OPCML: variants seen among roughly 807,000 people sequenced by gnomAD.
OPCML encodes opioid binding protein/cell adhesion molecule like.
In OPCML, 13 loss-of-function variants were observed where a neutral mutation model predicts 37.8. That is an observed-to-expected ratio of 0.34 (90% CI 0.22 to 0.55). The LOEUF (loss-of-function observed/expected upper bound fraction) is 0.55, where lower values mean the gene tolerates loss of function less well. OPCML is among the 20% of genes least tolerant of loss of function. OPCML has a pLI of 0.91. For missense variants in OPCML, 341 were observed against 435.6 expected (o/e 0.78, Z 1.93); for synonymous variants, 176 against 168.8 (o/e 1.04, Z -0.33).
intron 1 of OPCML, among the ~76,000 whole-genome samples, chr11:133,437,891 T>G (rs1946277731): frequency 6.6e-6 from 1 of 152,134 alleles, no homozygotes; most frequent in Non-Finnish European, 1.5e-5. Flanking sequence ...CTGGCAAACT[T>G]GCATTCAAGT....
chr11:132,484,615 A>G (rs1157091113), intron 4 of OPCML, among the ~76,000 whole-genome samples: 1 of 152,176 alleles, frequency 6.6e-6, no homozygotes, highest in Non-Finnish European at 1.5e-5. Flanking sequence ...AGACACATGC[A>G]CACCTATGTT....
chr11:132,716,396 A>ATCTATCTGTCTG (rs1944482143), intron 2 of OPCML, among the ~76,000 whole-genome samples: 2 of 47,126 alleles, frequency 4.2e-5, no homozygotes, highest in Non-Finnish European at 7.6e-5. Flanking sequence ...CTATTTATCT[A>ATCTATCTGTCTG]TCTATCTATC....
intron 1 of OPCML, among the ~76,000 whole-genome samples, chr11:133,354,061 C>A (rs961874967): frequency 6.6e-6 from 1 of 152,062 alleles, no homozygotes; most frequent in South Asian, 2.1e-4. Context: ...ATACTAAAGC[C>A]TAAAACCCAT....
At chr11:133,484,146 G>T (rs967079324) in intron 1 of OPCML, among the ~76,000 whole-genome samples, 1 of 125,242 alleles carries the variant, frequency 8.0e-6, no homozygotes, top group Non-Finnish European at 1.7e-5. Flanking sequence ...GATGATAGAT[G>T]GATAGATAGA....
chr11:133,125,582 C>G (rs534196617), intron 1 of OPCML, among the ~76,000 whole-genome samples: 1 of 143,908 alleles, frequency 6.9e-6, no homozygotes, highest in Admixed American at 7.1e-5. Context: ...AATATAGACA[C>G]ATGTATATAT....
chr11:133,125,834 ATATAGACACATGTATATAG>A (rs1949501262), intron 1 of OPCML, among the ~76,000 whole-genome samples: 1 of 146,868 alleles, frequency 6.8e-6, no homozygotes, highest in African/African-American at 2.5e-5. Context: ...ACACATGTAT[ATATAGACACATGTATATAG>A]TATATACACA....
intron 1 of OPCML, among the ~76,000 whole-genome samples, chr11:133,185,518 G>A (rs1436988937): frequency 2.0e-5 from 3 of 152,210 alleles, no homozygotes; most frequent in Admixed American, 6.5e-5. Context: ...TGATGGAGAT[G>A]GGGTTCGGAG....
chr11:133,080,207 T>C (rs1439114994), intron 1 of OPCML, among the ~76,000 whole-genome samples: 1 of 152,136 alleles, frequency 6.6e-6, no homozygotes, highest in Admixed American at 6.5e-5. Flanking sequence ...GGAATCAACC[T>C]GCGGGACTGT....
At chr11:132,461,479 C>T (rs1003022214) in intron 4 of OPCML, among the ~76,000 whole-genome samples, 4 of 152,264 alleles carry the variant, frequency 2.6e-5, no homozygotes, top group South Asian at 2.1e-4. Context: ...CCATACCTGA[C>T]GCTATACATC....
chr11:132,585,438 C>T (rs937846630), intron 3 of OPCML, among the ~76,000 whole-genome samples: 1 of 152,072 alleles, frequency 6.6e-6, no homozygotes, highest in African/African-American at 2.4e-5. Context: ...GATTTATCTG[C>T]TTCCTTAACA....
At chr11:133,102,591 A>G (rs929382097) in intron 1 of OPCML, among the ~76,000 whole-genome samples, 1 of 152,084 alleles carries the variant, frequency 6.6e-6, no homozygotes, top group Non-Finnish European at 1.5e-5. Context: ...ACTAAAAAAT[A>G]CAAAAAAAAT....
chr11:133,225,696 G>A (rs112815194), intron 1 of OPCML, among the ~76,000 whole-genome samples: 75 of 152,234 alleles, frequency 4.9e-4, no homozygotes, highest in Non-Finnish European at 9.1e-4. Context: ...GGACTTATCC[G>A]CACTCAGTCA....
intron 1 of OPCML, among the ~76,000 whole-genome samples, chr11:133,458,896 T>C (rs1395549106): frequency 6.6e-6 from 1 of 151,326 alleles, no homozygotes; most frequent in African/African-American, 2.4e-5. Flanking sequence ...TGTGTGTGTA[T>C]ATATATACAC....
intron 2 of OPCML, among the ~76,000 whole-genome samples, chr11:132,788,613 C>T (rs1185536363): frequency 6.6e-5 from 10 of 152,206 alleles, no homozygotes; most frequent in Admixed American, 6.5e-4. Flanking sequence ...TCATCACACT[C>T]ATCTAACATG....
intron 4 of OPCML, among the ~76,000 whole-genome samples, chr11:132,517,871 T>A (rs187457386): frequency 2.6e-4 from 40 of 152,296 alleles, no homozygotes; most frequent in Middle Eastern, 6.8e-3. Flanking sequence ...TTATTACTAA[T>A]TAGTTTCTGG....
At chr11:133,248,966 T>TCA (rs1471211782) in intron 1 of OPCML, among the ~76,000 whole-genome samples, 1 of 152,234 alleles carries the variant, frequency 6.6e-6, no homozygotes, top group Non-Finnish European at 1.5e-5. Context: ...TTAATGTGTC[T>TCA]TGCAAACATG....
intron 2 of OPCML, among the ~76,000 whole-genome samples, chr11:132,788,018 C>T (rs368731841): frequency 6.0e-4 from 91 of 152,226 alleles, no homozygotes; most frequent in Middle Eastern, 3.4e-3. Context: ...GTAGCTGGGA[C>T]TACAGGCGCA....
Position 132,921,619 on chromosome 11 carries a change from A to T in OPCML, c.146+21307T>A, listed in dbSNP as rs912035043. Among the ~76,000 whole-genome samples the T allele has an allele frequency of 7.9e-5, 12 of 152,356 alleles. No individual in the cohort carries two copies. In the South Asian group the frequency reaches 1.0e-3, roughly 13 times the overall value. ...CCTAGCTCCTCCAGCTAGAGCCTGGACATAAATGGGATCCTAGCCAATGAT... is the reference window on the plus strand; with the variant it reads ...CCTAGCTCCTCCAGCTAGAGCCTGGTCATAAATGGGATCCTAGCCAATGAT... On this transcript the variant is annotated intron_variant, in intron 2 of 7. Coordinates refer to ENST00000524381, the MANE Select transcript of OPCML (RefSeq NM_001012393.5).
chr11:133,164,896 G>A (rs375170704), intron 1 of OPCML, among the ~76,000 whole-genome samples: 41 of 152,296 alleles, frequency 2.7e-4, no homozygotes, highest in African/African-American at 8.9e-4. Context: ...ATTTGCTTCC[G>A]ATGAAACTGT....
Sources: allele counts gnomAD v4.1 joint callset (sites outside exome capture counted in the v4.1 genomes callset), GRCh38; gene constraint gnomAD v4.1.1; transcripts MANE v1.5; gene names NCBI Gene and HGNC (gene_info 2026-07-23, HGNC 2026-07-21).